The following ATP6V0A2 variants were observed in gnomAD, a reference collection of about 807,000 sequenced individuals.
ATP6V0A2 encodes ATPase H+ transporting V0 subunit a2, also known as V-type proton ATPase 116 kDa subunit a 2.
Under a neutral mutation model 104.4 loss-of-function variants are expected in ATP6V0A2, and 58 were observed. That is an observed-to-expected ratio of 0.56 (90% CI 0.45 to 0.69). The LOEUF (loss-of-function observed/expected upper bound fraction) is 0.69, where lower values mean the gene tolerates loss of function less well. Ranked by LOEUF, ATP6V0A2 falls within the 30% of genes least tolerant of loss-of-function variation. The pLI, the probability that ATP6V0A2 is intolerant of heterozygous loss-of-function variation, is 0.00. For missense variants in ATP6V0A2, 938 were observed against 1,062.9 expected, an observed-to-expected ratio of 0.88 and a Z score of 1.63; for synonymous variants, 376 against 397.9, an observed-to-expected ratio of 0.95 and a Z score of 0.65.
At chr12:123,740,640 G>A (rs1956600223) in intron 9 of ATP6V0A2, among the ~76,000 whole-genome samples, 1 of 152,096 alleles carries the variant, frequency 6.6e-6, no homozygotes, top group Non-Finnish European at 1.5e-5. Context: ...GTCTTGCTTT[G>A]GTTTTCTTCT....
At chr12:123,737,447 C>A in intron 9 of ATP6V0A2, 176 bp downstream of exon 9, 1 of 696,644 alleles carries the variant, frequency 1.4e-6, no homozygotes, top group South Asian at 1.7e-5. Context: ...TGGGGTTTTG[C>A]TGTGTTGCCC....
At chr12:123,732,686 C>A (rs1370042328) in intron 6 of ATP6V0A2, 1 of 151,120 alleles carries the variant, frequency 6.6e-6, no homozygotes, top group Non-Finnish European at 1.5e-5. Context: ...TCTTTATGCT[C>A]AGATGTCACC....
At chr12:123,750,681 T>C in intron 15 of ATP6V0A2, 1 of 203,670 alleles carries the variant, frequency 4.9e-6, no homozygotes, top group South Asian at 8.2e-5. Context: ...ATTTTCTGTG[T>C]GTGGAGGTAA....
chr12:123,718,603 AT>A lies in ATP6V0A2; in HGVS notation c.118-15del. ...TTTAAATTTTAGAAATTTAAACCATATTTTTCATCCTTTTCTCAGCTCAACC... is the reference window on the plus strand; with the variant it reads ...TTTAAATTTTAGAAATTTAAACCATATTTTCATCCTTTTCTCAGCTCAACC... On this transcript the variant is annotated intron_variant, in intron 1 of 19. Transcript: ENST00000330342. The A allele has an allele frequency of 6.3e-7, 1 of 1,586,888 alleles. No homozygotes were observed. Among genetic ancestry groups the A allele is most frequent in the Non-Finnish European group, 8.6e-7 (1 of 1,158,352 alleles).
At chr12:123,730,639 C>G (rs1257318028) in intron 6 of ATP6V0A2, 1 of 152,122 alleles carries the variant, frequency 6.6e-6, no homozygotes, top group African/African-American at 2.4e-5. Flanking sequence ...ATGATTAAAA[C>G]TAAGATCAAA....
In ATP6V0A2 at chr12:123,759,160, T is replaced by C. The variant is rs10744162; in HGVS notation, c.*1128T>C. 0.55 allele frequency: 83,899 copies of C among 152,368 alleles called. 24,722 individuals are homozygous for C. The highest frequency in any genetic ancestry group is 0.94 in the East Asian group (4,869 of 5,178). The allele number at this position is 152,368 out of a possible 1,614,324, so 9.4% of individuals were successfully genotyped here. On this transcript the variant is annotated 3_prime_UTR_variant, in exon 20 of 20. Coordinates refer to ENST00000330342, the MANE Select transcript of ATP6V0A2 (RefSeq NM_012463.4). Reference sequence around the variant, plus strand: ...TACTGAGTGAAGGAAAGGTAAAAAGTAGTATTTTGTATATTTTTGTAACAA... The same window carrying C: ...TACTGAGTGAAGGAAAGGTAAAAAGCAGTATTTTGTATATTTTTGTAACAA...
intron 3 of ATP6V0A2, chr12:123,724,444 G>T: frequency 2.2e-6 from 1 of 457,548 alleles, no homozygotes; most frequent in South Asian, 1.9e-5. Flanking sequence ...CAAGAGAATC[G>T]CTTGAACCCA....
intron 13 of ATP6V0A2, 106 bp downstream of exon 13, chr12:123,745,078 G>C (rs1956648332): frequency 8.8e-7 from 1 of 1,142,136 alleles, no homozygotes; most frequent in Non-Finnish European, 1.3e-6. Context: ...ACGCTGCCCT[G>C]AGCGGGAGGT....
At chr12:123,735,095 T>C (rs1391389908) in intron 7 of ATP6V0A2, among the ~76,000 whole-genome samples, 4 of 152,018 alleles carry the variant, frequency 2.6e-5, no homozygotes, top group Non-Finnish European at 5.9e-5. Context: ...AGAGGACCTG[T>C]CAAAGGCAAC....
At chr12:123,733,358 C>T (rs1049842108) in intron 6 of ATP6V0A2, 2 of 150,216 alleles carry the variant, frequency 1.3e-5, no homozygotes, top group Non-Finnish European at 2.9e-5. Flanking sequence ...GAATTACCAA[C>T]TGTGGAAAAA....
chr12:123,736,945 C>T, intron 8 of ATP6V0A2, 114 bp from the exon 9 acceptor site: 1 of 1,034,664 alleles, frequency 9.7e-7, no homozygotes, highest in Non-Finnish European at 1.5e-6. Context: ...TAGGCAGGTG[C>T]CTGGAATGAT....
chr12:123,752,134 A>T, intron 16 of ATP6V0A2, 149 bp from the exon 17 acceptor site: 1 of 923,590 alleles, frequency 1.1e-6, no homozygotes, highest in Non-Finnish European at 1.7e-6. Flanking sequence ...TGCTGTGATT[A>T]CAGGTGTGAG....
chr12:123,716,636 C>T (rs1372463263), intron 1 of ATP6V0A2, among the ~76,000 whole-genome samples: 1 of 151,708 alleles, frequency 6.6e-6, no homozygotes, highest in Non-Finnish European at 1.5e-5. Flanking sequence ...ACCCAAAATA[C>T]AAAAATTAGC....
chr12:123,739,324 A>G (rs1471726910), intron 9 of ATP6V0A2, among the ~76,000 whole-genome samples: 1 of 152,014 alleles, frequency 6.6e-6, no homozygotes, highest in Non-Finnish European at 1.5e-5. Flanking sequence ...CGCTTTCCTC[A>G]TCTGTCCTGT....
chr12:123,757,973 G>A lies in ATP6V0A2; in HGVS notation c.2512G>A (p.Val838Ile), dbSNP rs1234851642. Residue 838 changes from valine to isoleucine, a missense_variant, in exon 20 of 20, where the codon GTT (valine) becomes ATT (isoleucine). By Grantham distance (29) the Val-to-Ile change is conservative (BLOSUM62 3). Coordinates refer to ENST00000330342, the MANE Select transcript of ATP6V0A2 (RefSeq NM_012463.4). Reference sequence around the variant, plus strand: ...CTACGTTGGTGCAGGCACCAAATTTGTTCCTTTCTCATTCAGTCTACTTTC... The same window carrying A: ...CTACGTTGGTGCAGGCACCAAATTTATTCCTTTCTCATTCAGTCTACTTTC... ...KFYVGAGTKF[V>I]PFSFSLLSSK... The A allele has an allele frequency of 6.2e-7, 1 of 1,608,180 alleles. No individual in the cohort carries two copies.
intron 9 of ATP6V0A2, among the ~76,000 whole-genome samples, chr12:123,743,138 G>A (rs1566286107): frequency 2.0e-5 from 3 of 152,136 alleles, no homozygotes; most frequent in Admixed American, 6.5e-5. Context: ...TGACTGAGCC[G>A]ACTCCATACC....
intron 1 of ATP6V0A2, 65 bp downstream of exon 1, chr12:123,712,747 C>A: frequency 1.5e-6 from 2 of 1,371,938 alleles, no homozygotes; most frequent in Non-Finnish European, 2.0e-6. Context: ...CCGCGCATCG[C>A]TGGGGCCCTC....
intron 9 of ATP6V0A2, among the ~76,000 whole-genome samples, chr12:123,742,548 A>G (rs1242835484): frequency 1.3e-5 from 2 of 152,292 alleles, no homozygotes; most frequent in South Asian, 2.1e-4. Context: ...TTTAAGAGAC[A>G]CATTTTGGCC....
chr12:123,737,219 G>A lies in ATP6V0A2; in HGVS notation c.986G>A (p.Trp329Ter). The A allele has an allele frequency of 6.2e-7, 1 of 1,614,146 alleles. No homozygotes were observed. The highest frequency in any genetic ancestry group is 1.7e-5 in the Admixed American group (1 of 60,012). Residue 329 changes from tryptophan to a stop codon, truncating the protein, a stop_gained, in exon 9 of 20, where the codon TGG (tryptophan) becomes TAG (stop). Coordinates refer to ENST00000330342, the MANE Select transcript of ATP6V0A2 (RefSeq NM_012463.4). LOFTEE classifies it high-confidence loss of function. ...AACAAGTGCCTCATTGCTGAGGTCTGGTGTCCCGAGGCGGATCTGCAGGAC... is the reference window on the plus strand; with the variant it reads ...AACAAGTGCCTCATTGCTGAGGTCTAGTGTCCCGAGGCGGATCTGCAGGAC... ...VTNKCLIAEV[W>*]CPEADLQDLR...
Sources: gnomAD v4.1 joint callset for allele counts (sites outside exome capture counted in the v4.1 genomes callset) on GRCh38, gnomAD v4.1.1 for gene constraint, MANE v1.5 for transcripts, NCBI Gene and HGNC (gene_info 2026-07-23, HGNC 2026-07-21) for gene names.